The following TMEM267 variants were observed in gnomAD, a reference collection of about 807,000 sequenced individuals.
TMEM267 encodes the protein transmembrane protein 267, also known as transmembrane protein C5orf28.
Under a neutral mutation model 19.3 loss-of-function variants are expected in TMEM267, and 20 were observed. That is an observed-to-expected ratio of 1.04 (90% confidence interval 0.73 to 1.51). The LOEUF is 1.51. Ranked by LOEUF, TMEM267 falls within the 40% of genes most tolerant of loss-of-function variation. TMEM267 has a pLI of 0.00. For missense variants in TMEM267, 242 were observed against 261.9 expected (o/e 0.92, Z 0.52); for synonymous variants, 88 against 90.3 (o/e 0.97, Z 0.15).
At chr5:43,461,852 C>A (rs926715486) in intron 1 of TMEM267, among the ~76,000 whole-genome samples, 3 of 152,178 alleles carry the variant, frequency 2.0e-5, no homozygotes, top group African/African-American at 7.2e-5. Flanking sequence ...CACCCAGGGC[C>A]TGGGGGACCT....
At chr5:43,474,354 C>A (rs532020399) in intron 1 of TMEM267, among the ~76,000 whole-genome samples, 22 of 152,328 alleles carry the variant, frequency 1.4e-4, no homozygotes, top group African/African-American at 5.3e-4. Flanking sequence ...TTTTTGCAAT[C>A]TATCCAACTG....
chr5:43,450,259 T>G (rs947553166), intron 2 of TMEM267, among the ~76,000 whole-genome samples: 1 of 152,108 alleles, frequency 6.6e-6, no homozygotes, highest in Non-Finnish European at 1.5e-5. Context: ...CTCACAGTGT[T>G]GGGGTTACAG....
chr5:43,466,290 C>G (rs1743667484), intron 1 of TMEM267, among the ~76,000 whole-genome samples: 1 of 152,148 alleles, frequency 6.6e-6, no homozygotes, highest in Admixed American at 6.6e-5. Flanking sequence ...AGCTTCAATA[C>G]ATCTGGCAGC....
intron 2 of TMEM267, among the ~76,000 whole-genome samples, chr5:43,452,687 T>C (rs757922230): frequency 1.3e-5 from 2 of 152,202 alleles, no homozygotes; most frequent in Non-Finnish European, 2.9e-5. Flanking sequence ...AACAAAATGT[T>C]ATGCTAACTC....
chr5:43,474,892 G>T (rs1046851023), intron 1 of TMEM267, among the ~76,000 whole-genome samples: 6 of 152,172 alleles, frequency 3.9e-5, no homozygotes, highest in Non-Finnish European at 7.4e-5. Context: ...TGCTGGAGAG[G>T]ATGTGGAGAA....
At chr5:43,479,202 C>A (rs7731091) in intron 1 of TMEM267, among the ~76,000 whole-genome samples, 90,673 of 151,720 alleles carry the variant, frequency 0.6, 29,492 homozygotes, top group African/African-American at 0.85. Context: ...ATTAAGTATT[C>A]AAATTTAAAA....
upstream of TMEM267, chr5:43,483,990 T>G (rs1744977509): frequency 6.6e-6 from 1 of 151,996 alleles, no homozygotes; most frequent in African/African-American, 2.4e-5. Flanking sequence ...GACGCATGAG[T>G]TGTTTGGTGC....
chr5:43,453,618 G>C (rs753155963), intron 2 of TMEM267, 40 bp downstream of exon 2: 1 of 1,566,990 alleles, frequency 6.4e-7, no homozygotes. Context: ...ATAGTGCTAA[G>C]GAAATTAAAG....
At chr5:43,452,092 A>G (rs1352156191) in intron 2 of TMEM267, among the ~76,000 whole-genome samples, 40 of 151,308 alleles carry the variant, frequency 2.6e-4, no homozygotes, top group South Asian at 6.2e-4. Context: ...AAAAAAAAAA[A>G]AAAGAAAGAA....
chr5:43,472,823 G>T (rs564843279), intron 1 of TMEM267, among the ~76,000 whole-genome samples: 1 of 150,868 alleles, frequency 6.6e-6, no homozygotes, highest in Non-Finnish European at 1.5e-5. Flanking sequence ...AGCAGGGGGA[G>T]GTGGGGATGG....
At chr5:43,463,232 A>G (rs1743386788) in intron 1 of TMEM267, among the ~76,000 whole-genome samples, 2 of 152,220 alleles carry the variant, frequency 1.3e-5, no homozygotes, top group South Asian at 4.1e-4. Flanking sequence ...TCCCAAGACT[A>G]AACCAAGAAG....
At position 43,454,024 on chromosome 5, in the gene TMEM267, T is replaced by C; in HGVS notation, c.-55A>G. On this transcript the variant is annotated 5_prime_UTR_variant, in exon 2 of 3. Coordinates refer to ENST00000397080, the MANE Select transcript of TMEM267 (RefSeq NM_022483.5). ...GCCATCAGGAATGAACAGTCTATTC[T>C]TGTTTACATTTCCAGCACCCTAAAG... is the stretch of plus-strand genomic sequence containing the variant. 6.4e-7 allele frequency: 1 copy of C among 1,556,720 alleles called. No homozygotes were observed. Among genetic ancestry groups the C allele is most frequent in the Non-Finnish European group, 8.7e-7 (1 of 1,152,686 alleles).
chr5:43,475,551 C>G (rs1034682044), intron 1 of TMEM267, among the ~76,000 whole-genome samples: 9 of 151,920 alleles, frequency 5.9e-5, no homozygotes, highest in African/African-American at 1.7e-4. Context: ...AACAGTATAG[C>G]TATTATAACA....
intron 1 of TMEM267, among the ~76,000 whole-genome samples, chr5:43,470,518 C>T (rs962493198): frequency 2.0e-5 from 3 of 152,196 alleles, no homozygotes; most frequent in Non-Finnish European, 4.4e-5. Flanking sequence ...ACCCTGATCA[C>T]TTTGGGCACA....
intron 1 of TMEM267, among the ~76,000 whole-genome samples, chr5:43,458,601 A>G (rs1743085850): frequency 6.6e-6 from 1 of 152,222 alleles, no homozygotes; most frequent in Non-Finnish European, 1.5e-5. Flanking sequence ...TGATAGTTCC[A>G]TGGTTCACAG....
At chr5:43,450,606 G>A (rs1742529325) in intron 2 of TMEM267, among the ~76,000 whole-genome samples, 1 of 152,168 alleles carries the variant, frequency 6.6e-6, no homozygotes, top group South Asian at 2.1e-4. Flanking sequence ...CCCATACTGT[G>A]CAGTTAATGA....
At chr5:43,465,104 T>A (rs948705507) in intron 1 of TMEM267, among the ~76,000 whole-genome samples, 1 of 151,834 alleles carries the variant, frequency 6.6e-6, no homozygotes, top group African/African-American at 2.4e-5. Flanking sequence ...TCAAACAAAT[T>A]TACAAGAAAA....
intron 1 of TMEM267, among the ~76,000 whole-genome samples, chr5:43,478,137 G>A (rs912350160): frequency 6.6e-6 from 1 of 152,068 alleles, no homozygotes; most frequent in African/African-American, 2.4e-5. Flanking sequence ...TGTCCATATC[G>A]GTAATCACTA....
chr5:43,467,376 A>C (rs762739134), intron 1 of TMEM267, among the ~76,000 whole-genome samples: 14 of 152,144 alleles, frequency 9.2e-5, no homozygotes, highest in Non-Finnish European at 1.6e-4. Context: ...CATAGACTGA[A>C]AGTGAAGGGA....
Sources: gnomAD v4.1 joint callset for allele counts (sites outside exome capture counted in the v4.1 genomes callset) on GRCh38, gnomAD v4.1.1 for gene constraint, MANE v1.5 for transcripts, NCBI Gene and HGNC (gene_info 2026-07-23, HGNC 2026-07-21) for gene names.